Variants in BTRC observed in about 807,000 individuals in gnomAD.
The protein encoded by BTRC is F-box/WD repeat-containing protein 1A.
BTRC carries 42 observed loss-of-function variants against 85.5 expected under a neutral mutation model. That is an observed-to-expected ratio of 0.49 (90% CI 0.38 to 0.64). The LOEUF is 0.64. Ranked by LOEUF, BTRC falls within the 30% of genes least tolerant of loss-of-function variation. The pLI, the probability that BTRC is intolerant of heterozygous loss-of-function variation, is 0.00. For missense variants in BTRC, 594 were observed against 743.5 expected (o/e 0.80, Z 2.34); for synonymous variants, 255 against 263.3 (o/e 0.97, Z 0.30).
chr10:101,514,687 A>G (rs2061999411), intron 4 of BTRC, among the ~76,000 whole-genome samples: 1 of 152,156 alleles, frequency 6.6e-6, no homozygotes, highest in South Asian at 2.1e-4. Flanking sequence ...TCCTGACCTC[A>G]GGTGATCTGC....
chr10:101,431,524 C>T (rs1313850662), intron 2 of BTRC, among the ~76,000 whole-genome samples: 1 of 152,134 alleles, frequency 6.6e-6, no homozygotes, highest in African/African-American at 2.4e-5. Flanking sequence ...TGATTGTTTT[C>T]TTGACTGAGT....
chr10:101,538,997 AC>A (rs2062428100), intron 13 of BTRC, among the ~76,000 whole-genome samples: 1 of 151,798 alleles, frequency 6.6e-6, no homozygotes, highest in Admixed American at 6.6e-5. Flanking sequence ...GTTGCAGTGA[AC>A]CAAGATCATG....
chr10:101,461,311 G>C (rs1326970712), intron 2 of BTRC, among the ~76,000 whole-genome samples: 2 of 152,098 alleles, frequency 1.3e-5, no homozygotes, highest in Non-Finnish European at 2.9e-5. Flanking sequence ...CTTGTAGATA[G>C]TGATTTACAT....
intron 4 of BTRC, among the ~76,000 whole-genome samples, chr10:101,504,403 C>G (rs1404406695): frequency 6.6e-6 from 1 of 152,020 alleles, no homozygotes; most frequent in Non-Finnish European, 1.5e-5. Flanking sequence ...TCTCCCCCTT[C>G]CCACCTATTT....
chr10:101,462,679 CAAAAA>C (rs564048359), intron 3 of BTRC, among the ~76,000 whole-genome samples: 1 of 99,332 alleles, frequency 1.0e-5, no homozygotes, highest in Non-Finnish European at 1.9e-5. Context: ...AACTCCGTCT[CAAAAA>C]AAAAAAAAAA....
chr10:101,479,467 A>G lies in BTRC; in HGVS notation c.324+10A>G. ...GAATTGTGTGGCCAAAGTAAGTAAT[A>G]TTGCTCATCAATGTATATTACACCA... On this transcript the variant is annotated intron_variant, in intron 4 of 14. Coordinates refer to ENST00000370187, the MANE Select transcript of BTRC (RefSeq NM_033637.4). 1 of 1,602,468 alleles carries G rather than the reference A, an allele frequency of 6.2e-7. No individual in the cohort carries two copies. The highest frequency in any genetic ancestry group is 8.5e-7 in the Non-Finnish European group (1 of 1,169,872).
intron 1 of BTRC, among the ~76,000 whole-genome samples, chr10:101,394,752 A>G (rs556347652): frequency 1.3e-5 from 2 of 152,328 alleles, no homozygotes; most frequent in African/African-American, 2.4e-5. Flanking sequence ...AGTTCCCTGT[A>G]GAGTAGTACA....
intron 1 of BTRC, among the ~76,000 whole-genome samples, chr10:101,401,837 C>CAA (rs766212284): frequency 4.8e-4 from 25 of 52,146 alleles, no homozygotes; most frequent in African/African-American, 1.4e-3. Context: ...GACCTCATCT[C>CAA]AAAAAAAAAA....
intron 1 of BTRC, among the ~76,000 whole-genome samples, chr10:101,422,963 G>T (rs1944146446): frequency 6.6e-6 from 1 of 152,034 alleles, no homozygotes; most frequent in South Asian, 2.1e-4. Flanking sequence ...CTCTTTTTTG[G>T]TTCCATATGA....
At chr10:101,508,966 C>T (rs1946618978) in intron 4 of BTRC, among the ~76,000 whole-genome samples, 1 of 146,978 alleles carries the variant, frequency 6.8e-6, no homozygotes. Context: ...AGTTATTATC[C>T]CACTTTTGAA....
At chr10:101,361,455 G>A (rs1306939814) in intron 1 of BTRC, among the ~76,000 whole-genome samples, 2 of 152,180 alleles carry the variant, frequency 1.3e-5, no homozygotes, top group African/African-American at 4.8e-5. Context: ...TGTATAGTGA[G>A]AATCCATTGA....
intron 5 of BTRC, 151 bp from the exon 6 acceptor site, chr10:101,525,862 G>A (rs2062183530): frequency 9.5e-6 from 6 of 629,048 alleles, no homozygotes; most frequent in Non-Finnish European, 1.5e-5. Context: ...TTTTACCCAA[G>A]CCTCTGTTTG....
chr10:101,535,517 C>T, intron 11 of BTRC, 45 bp downstream of exon 11: 1 of 1,295,846 alleles, frequency 7.7e-7, no homozygotes, highest in Non-Finnish European at 1.1e-6. Flanking sequence ...ATATTATGCT[C>T]CCATTCATTA....
chr10:101,443,097 TG>T (rs1453432070), intron 2 of BTRC, among the ~76,000 whole-genome samples: 1 of 152,076 alleles, frequency 6.6e-6, no homozygotes, highest in African/African-American at 2.4e-5. Context: ...TTAGCCAGGA[TG>T]GTCTGGATCT....
At chr10:101,366,996 A>ATATATATTTATATATTTATATATTTT (rs1564730726) in intron 1 of BTRC, among the ~76,000 whole-genome samples, 2 of 50,378 alleles carry the variant, frequency 4.0e-5, no homozygotes, top group African/African-American at 7.7e-5. Context: ...ATATATATTA[A>ATATATATTTATATATTTATATATTTT]TATATATATT....
chr10:101,533,151 T>C, intron 9 of BTRC, 81 bp downstream of exon 9: 1 of 1,002,142 alleles, frequency 1.0e-6, no homozygotes, highest in Non-Finnish European at 1.5e-6. Flanking sequence ...ATTTTGTATA[T>C]ATCGGCACAG....
In BTRC at chr10:101,366,909, A is replaced by AATATATATTT. The variant is rs1351755682; in HGVS notation, c.48+12720_48+12729dup. Among the ~76,000 whole-genome samples, 12 of 19,294 alleles carry AATATATATTT rather than the reference A, an allele frequency of 6.2e-4. 3 individuals are homozygous for AATATATATTT. The highest frequency in any genetic ancestry group is 2.9e-3 in the East Asian group (2 of 680). 12.7% of individuals were successfully genotyped at this position (19,294 alleles called of 152,430 possible). The stretch of plus-strand genomic sequence containing the variant: ...ATATTTATATATATTTATATATATT[A>AATATATATTT]ATATATATTTATATATATTTATATA... On this transcript the variant is annotated intron_variant, in intron 1 of 14. Coordinates refer to ENST00000370187, the MANE Select transcript of BTRC (RefSeq NM_033637.4).
At chr10:101,493,829 T>A (rs1946195717) in intron 4 of BTRC, among the ~76,000 whole-genome samples, 1 of 152,252 alleles carries the variant, frequency 6.6e-6, no homozygotes, top group Non-Finnish European at 1.5e-5. Context: ...GTTAGGCTTT[T>A]CTTTTCAAGC....
chr10:101,544,227 A>G (rs1477282963), intron 13 of BTRC, among the ~76,000 whole-genome samples: 1 of 152,174 alleles, frequency 6.6e-6, no homozygotes, highest in East Asian at 1.9e-4. Context: ...AAATTTTTTA[A>G]TGGAAAAAAG....
Sources: allele counts gnomAD v4.1 joint callset (sites outside exome capture counted in the v4.1 genomes callset), GRCh38; gene constraint gnomAD v4.1.1; transcripts MANE v1.5; gene names NCBI Gene and HGNC (gene_info 2026-07-23, HGNC 2026-07-21).